Variants in ELL2 observed in about 807,000 individuals in gnomAD.
ELL2 encodes the protein RNA polymerase II elongation factor ELL2.
In ELL2, 21 loss-of-function variants were observed where a neutral mutation model predicts 72.8. The observed-to-expected ratio is 0.29, with a 90% confidence interval of 0.20 to 0.42. The LOEUF (loss-of-function observed/expected upper bound fraction) is 0.42, where lower values mean the gene tolerates loss of function less well. ELL2 is among the 10% of genes least tolerant of loss of function. The pLI is 1.00. For missense variants in ELL2, 568 were observed against 772.8 expected (o/e 0.73, Z 3.14); for synonymous variants, 266 against 283.2 (o/e 0.94, Z 0.61).
chr5:95,910,747 T>C (rs774504478), intron 4 of ELL2, among the ~76,000 whole-genome samples: 9 of 152,276 alleles, frequency 5.9e-5, no homozygotes, highest in East Asian at 3.9e-4. Flanking sequence ...ATTATTCTCA[T>C]TGGTCTTCTA....
chr5:95,939,436 A>G (rs1416898852), intron 2 of ELL2, among the ~76,000 whole-genome samples: 2 of 152,254 alleles, frequency 1.3e-5, no homozygotes, highest in Admixed American at 6.5e-5. Context: ...ATGTTTGCAC[A>G]GTGAATAAGA....
intron 4 of ELL2, among the ~76,000 whole-genome samples, chr5:95,910,023 A>G (rs1749522577): frequency 6.6e-6 from 1 of 152,148 alleles, no homozygotes; most frequent in Non-Finnish European, 1.5e-5. Flanking sequence ...TTAACTACAT[A>G]ATCCATTGCA....
chr5:95,939,510 T>C (rs564659668), intron 2 of ELL2, among the ~76,000 whole-genome samples: 12 of 152,362 alleles, frequency 7.9e-5, no homozygotes, highest in Non-Finnish European at 1.3e-4. Context: ...GTTTATAGTT[T>C]ATTGCTTAGA....
chr5:95,935,414 T>C (rs1050237833), intron 2 of ELL2, among the ~76,000 whole-genome samples: 1 of 152,162 alleles, frequency 6.6e-6, no homozygotes, highest in Non-Finnish European at 1.5e-5. Context: ...AAAGTAACAA[T>C]AGTCATGCTT....
At chr5:95,920,276 A>AATAT (rs995408163) in intron 2 of ELL2, among the ~76,000 whole-genome samples, 2 of 130,856 alleles carry the variant, frequency 1.5e-5, no homozygotes, top group Non-Finnish European at 3.3e-5. Flanking sequence ...TTAAATTTTT[A>AATAT]ATATTTATTT....
At chr5:95,924,077 G>C (rs1750197077) in intron 2 of ELL2, among the ~76,000 whole-genome samples, 1 of 152,174 alleles carries the variant, frequency 6.6e-6, no homozygotes. Flanking sequence ...GGCAACTTCA[G>C]AGCAGACCAG....
intron 2 of ELL2, among the ~76,000 whole-genome samples, chr5:95,931,796 T>TTA (rs1554077874): frequency 2.8e-5 from 2 of 72,546 alleles, no homozygotes; most frequent in Non-Finnish European, 4.7e-5. Context: ...GCCCTATCCA[T>TTA]AAAAAAAAAA....
rs149095913 is a variant in ELL2 at position 95,922,025 on chromosome 5, C to G, written c.196-2480G>C. Among the ~76,000 whole-genome samples the G allele has an allele frequency of 8.7e-3, 1,318 of 152,192 alleles. 17 individuals are homozygous for G. Among genetic ancestry groups the G allele is most frequent in the African/African-American group, 0.031 (1,272 of 41,498 alleles). ...TGGGAATATAGCAGTACTTCCATAC[C>G]TATCAGAGAATGTAAGACCATCCCA... On this transcript the variant is annotated intron_variant, in intron 2 of 11. Transcript: ENST00000237853.
Position 95,961,780 on chromosome 5 carries a change from C to T in ELL2, c.-59G>A. On this transcript the variant is annotated 5_prime_UTR_variant, in exon 1 of 12. Coordinates refer to ENST00000237853, the MANE Select transcript of ELL2 (RefSeq NM_012081.6). ...CTCCGGCTCTAGCCTCCACTGCGGC[C>T]GCGGCTGCTTGGGCTTCTGCAGCCG... is the stretch of plus-strand genomic sequence containing the variant. The T allele has an allele frequency of 1.3e-6, 2 of 1,505,718 alleles. No individual in the cohort carries two copies. The highest frequency in any genetic ancestry group is 1.8e-6 in the Non-Finnish European group (2 of 1,130,240). The allele number at this position is 1,505,718 out of a possible 1,614,324, so 93.3% of individuals were successfully genotyped here. A position where few individuals can be genotyped will look rare whatever the true frequency, so the allele number is the denominator to read the frequency against.
At chr5:95,940,982 G>A (rs560867214) in intron 2 of ELL2, among the ~76,000 whole-genome samples, 24 of 152,054 alleles carry the variant, frequency 1.6e-4, no homozygotes, top group Middle Eastern at 3.4e-3. Context: ...GGGGGGGAGG[G>A]GTGGATGGAA....
chr5:95,945,766 A>C (rs1751133834), intron 1 of ELL2, among the ~76,000 whole-genome samples: 1 of 152,220 alleles, frequency 6.6e-6, no homozygotes, highest in Admixed American at 6.5e-5. Flanking sequence ...AGGAATGGAC[A>C]CTGTATGGTC....
chr5:95,919,595 AG>A, intron 2 of ELL2, 50 bp from the exon 3 acceptor site: 1 of 1,522,256 alleles, frequency 6.6e-7, no homozygotes, highest in Non-Finnish European at 8.7e-7. Context: ...AATTTGCCAT[AG>A]AAAAGTCTTA....
chr5:95,961,224 T>G (rs1269652531), intron 1 of ELL2, among the ~76,000 whole-genome samples: 1 of 151,920 alleles, frequency 6.6e-6, no homozygotes, highest in African/African-American at 2.4e-5. Flanking sequence ...GAGGGTAGCG[T>G]GGTCATCTCA....
intron 1 of ELL2, among the ~76,000 whole-genome samples, chr5:95,960,340 T>C (rs1751779767): frequency 6.6e-6 from 1 of 151,722 alleles, no homozygotes; most frequent in Non-Finnish European, 1.5e-5. Context: ...TCCACTCCGG[T>C]CTCCCACAGT....
Position 95,898,269 on chromosome 5 carries a change from A to G in ELL2, c.1496T>C (p.Leu499Pro). 1 of 1,608,074 alleles carries G rather than the reference A, an allele frequency of 6.2e-7. No homozygotes were observed. The highest frequency in any genetic ancestry group is 8.5e-7 in the Non-Finnish European group (1 of 1,178,472). Residue 499 changes from leucine to proline, a missense_variant, in exon 8 of 12, where the codon CTA (leucine) becomes CCA (proline). Transcript: ENST00000237853. ...ACTGGAATTTGGACTGGAGTTATTTAGCTTGGCAATTTCCTCTTCTCTCTT... is the reference window on the plus strand; with the variant it reads ...ACTGGAATTTGGACTGGAGTTATTTGGCTTGGCAATTTCCTCTTCTCTCTT... Reference protein sequence around the residue: ...DLKREEEIAKLNNSSPNSSGG... With the variant: ...DLKREEEIAKPNNSSPNSSGG...
chr5:95,889,279 C>G (rs1234255217), intron 10 of ELL2, 149 bp from the exon 11 acceptor site: 1 of 678,624 alleles, frequency 1.5e-6, no homozygotes, highest in African/African-American at 1.8e-5. Flanking sequence ...AATGTGGCAA[C>G]AGCTATCAAA....
chr5:95,937,257 C>T (rs747578602), intron 2 of ELL2, among the ~76,000 whole-genome samples: 4 of 152,102 alleles, frequency 2.6e-5, no homozygotes, highest in African/African-American at 4.8e-5. Context: ...GAGATAGTTT[C>T]CTCAGGCACC....
At chr5:95,923,413 T>G (rs1030242596) in intron 2 of ELL2, among the ~76,000 whole-genome samples, 7 of 152,158 alleles carry the variant, frequency 4.6e-5, no homozygotes, top group Non-Finnish European at 8.8e-5. Flanking sequence ...CAACAGTCTC[T>G]CCTACCTGCG....
At chr5:95,935,358 A>C (rs1205110982) in intron 2 of ELL2, among the ~76,000 whole-genome samples, 3 of 152,216 alleles carry the variant, frequency 2.0e-5, no homozygotes, top group Non-Finnish European at 4.4e-5. Context: ...TAATATGGGC[A>C]AAATTTAACA....
Sources: gnomAD v4.1 joint callset for allele counts (sites outside exome capture counted in the v4.1 genomes callset) on GRCh38, gnomAD v4.1.1 for gene constraint, MANE v1.5 for transcripts, NCBI Gene and HGNC (gene_info 2026-07-23, HGNC 2026-07-21) for gene names.